Variants in NDRG1 observed in about 807,000 individuals in gnomAD.
The protein encoded by NDRG1 is N-myc downstream regulated 1, also known as protein NDRG1.
Under a neutral mutation model 56.9 loss-of-function variants are expected in NDRG1, and 32 were observed. The ratio of observed to expected loss-of-function variants is 0.56; its 90% confidence interval spans 0.42 to 0.76. The LOEUF (loss-of-function observed/expected upper bound fraction) is 0.76. Ranked by LOEUF, NDRG1 falls within the 30% of genes least tolerant of loss-of-function variation. NDRG1 has a pLI of 0.00. For missense variants in NDRG1, 507 were observed against 545.7 expected (o/e 0.93, Z 0.71); for synonymous variants, 211 against 204.1 (o/e 1.03, Z -0.29).
At position 133,280,233 on chromosome 8, in the gene NDRG1, T is replaced by C. The variant is rs61755063; in HGVS notation, c.98A>G (p.Gln33Arg). Residue 33 changes from glutamine (Q) to arginine (R), a missense_variant and splice_region_variant, in exon 3 of 16, where the codon CAG (glutamine) becomes CGG (arginine). Transcript: ENST00000323851. ...AGGAAAGCCACATCCTCTACTTGCC[T>C]GGACATCAAACTCTTGCAGGAGGCC... ...ITGLLQEFDVQEQDIETLHGS... is the reference protein window; with the variant it reads ...ITGLLQEFDVREQDIETLHGS... The C allele has an allele frequency of 3.1e-6, 5 of 1,613,972 alleles. No homozygotes were observed. Among genetic ancestry groups the C allele is most frequent in the African/African-American group, 1.3e-5 (1 of 74,912 alleles).
chr8:133,284,643 C>G, intron 1 of NDRG1: 1 of 471,634 alleles, frequency 2.1e-6, no homozygotes, highest in Non-Finnish European at 4.1e-6. Context: ...GCCCACCCAC[C>G]ATACCCAGGA....
At chr8:133,241,528 C>T (rs1024541381) in intron 15 of NDRG1, 1 of 201,324 alleles carries the variant, frequency 5.0e-6, no homozygotes, top group Non-Finnish European at 1.0e-5. Flanking sequence ...CCGCCCTCTG[C>T]TCCCTGCTTA....
chr8:133,293,267 A>T (rs1441145184), intron 1 of NDRG1, among the ~76,000 whole-genome samples: 1 of 152,216 alleles, frequency 6.6e-6, no homozygotes, highest in Admixed American at 6.5e-5. Flanking sequence ...AAAGATAAAA[A>T]GCAAGTGGAC....
chr8:133,295,417 C>A (rs140571551), intron 1 of NDRG1, among the ~76,000 whole-genome samples: 1 of 152,210 alleles, frequency 6.6e-6, no homozygotes, highest in South Asian at 2.1e-4. Flanking sequence ...CACACCAAAA[C>A]CCTCTCTCTC....
At chr8:133,243,942 GCACA>G (rs962460613) in intron 14 of NDRG1, among the ~76,000 whole-genome samples, 11 of 151,990 alleles carry the variant, frequency 7.2e-5, no homozygotes, top group South Asian at 2.1e-4. Context: ...GTGTACACAT[GCACA>G]CACACAGACG....
chr8:133,239,383 CTGTTAAAAGCTG>C (rs1855256473), intron 15 of NDRG1: 2 of 602,854 alleles, frequency 3.3e-6, no homozygotes, highest in Non-Finnish European at 2.9e-6. Context: ...ATTCTGCCAC[CTGTTAAAAGCTG>C]TGTAATTTTG....
chr8:133,268,474 C>A (rs1857024522), intron 3 of NDRG1, among the ~76,000 whole-genome samples: 1 of 152,154 alleles, frequency 6.6e-6, no homozygotes, highest in African/African-American at 2.4e-5. Context: ...GTGGGAAGGA[C>A]AAAGACCCCG....
chr8:133,287,768 A>C (rs892258538), intron 1 of NDRG1, among the ~76,000 whole-genome samples: 2 of 152,230 alleles, frequency 1.3e-5, no homozygotes, highest in Non-Finnish European at 2.9e-5. Flanking sequence ...ACATGCCCAC[A>C]GCATACACCC....
chr8:133,288,216 G>A (rs545802466), intron 1 of NDRG1: 2 of 152,466 alleles, frequency 1.3e-5, no homozygotes, highest in East Asian at 3.9e-4. Context: ...CATTCACGGA[G>A]GAGGGGGCTG....
intron 1 of NDRG1, among the ~76,000 whole-genome samples, chr8:133,294,654 A>C (rs1858631495): frequency 1.4e-5 from 2 of 143,668 alleles, no homozygotes; most frequent in South Asian, 2.1e-4. Context: ...AGCTCAGTTG[A>C]GATCTGTCTT....
intron 5 of NDRG1, among the ~76,000 whole-genome samples, chr8:133,261,721 G>A (rs1856667242): frequency 6.6e-6 from 1 of 152,178 alleles, no homozygotes; most frequent in African/African-American, 2.4e-5. Flanking sequence ...CGCCAGCCTT[G>A]CAGGAAGGCT....
chr8:133,284,989 C>G (rs1328825905), intron 1 of NDRG1: 1 of 384,860 alleles, frequency 2.6e-6, no homozygotes, highest in African/African-American at 2.1e-5. Flanking sequence ...AAAAGACCTC[C>G]AAGGCAGAAA....
At chr8:133,242,916 T>C (rs1187790075) in intron 14 of NDRG1, among the ~76,000 whole-genome samples, 1 of 152,230 alleles carries the variant, frequency 6.6e-6, no homozygotes, top group Non-Finnish European at 1.5e-5. Context: ...AATTAACAAC[T>C]AACTGGGCTA....
At chr8:133,253,256 T>G (rs1305855284) in intron 9 of NDRG1, among the ~76,000 whole-genome samples, 1 of 152,156 alleles carries the variant, frequency 6.6e-6, no homozygotes, top group Non-Finnish European at 1.5e-5. Context: ...CTCAATCCCC[T>G]TTAGTGGGGT....
chr8:133,248,541 G>A (rs866795685), intron 11 of NDRG1, among the ~76,000 whole-genome samples, 174 bp downstream of exon 11: 4 of 152,184 alleles, frequency 2.6e-5, no homozygotes, highest in Admixed American at 6.5e-5. Flanking sequence ...GGATGCCACC[G>A]GCACAGGGAG....
Position 133,259,291 on chromosome 8 carries a change from G to A in NDRG1, c.327-61C>T. Reference sequence around the variant, plus strand: ...CGGACAGAAACGGGTAATCCAAACAGGGACACGCTTGAAGGGTGGGGACCA... The same window carrying A: ...CGGACAGAAACGGGTAATCCAAACAAGGACACGCTTGAAGGGTGGGGACCA... On this transcript the variant is annotated intron_variant, in intron 5 of 15. Coordinates refer to ENST00000323851, the MANE Select transcript of NDRG1 (RefSeq NM_006096.4). The A allele has an allele frequency of 2.6e-6, 4 of 1,536,534 alleles. No homozygotes were observed. In the South Asian group the frequency reaches 3.4e-5, roughly 13 times the overall value.
chr8:133,244,208 T>TC, intron 14 of NDRG1, 147 bp downstream of exon 14: 1 of 1,001,960 alleles, frequency 1.0e-6, no homozygotes, highest in East Asian at 2.6e-5. Flanking sequence ...ATCAGAGTCC[T>TC]CCTATATAGC....
At chr8:133,248,824 TC>T (rs1172290588) in intron 10 of NDRG1, 53 bp from the exon 11 acceptor site, 1 of 1,602,498 alleles carries the variant, frequency 6.2e-7, no homozygotes, top group Admixed American at 1.7e-5. Context: ...TGGAGAAATC[TC>T]CCACTCCCAT....
chr8:133,242,042 G>C lies in NDRG1; in HGVS notation c.924C>G (p.Phe308Leu). ...PAKLAEAFKY[F>L]VQGMGYMPSA... ...ACTCACTGTATCCCATGCCCTGCAC[G>C]AAGTACTTGAAGGCCTCAGCGAGCT... The change falls in exon 15 of 16, where the codon TTC (phenylalanine) becomes TTG (leucine). Residue 308 changes from phenylalanine to leucine, a missense_variant. Phe to Leu is a conservative substitution (Grantham distance 22). Transcript: ENST00000323851. 1 of 1,614,178 alleles carries C rather than the reference G, an allele frequency of 6.2e-7. No homozygotes were observed. The highest frequency in any genetic ancestry group is 8.5e-7 in the Non-Finnish European group (1 of 1,180,034).
Sources: gnomAD v4.1 joint callset for allele counts (sites outside exome capture counted in the v4.1 genomes callset) on GRCh38, gnomAD v4.1.1 for gene constraint, MANE v1.5 for transcripts, NCBI Gene and HGNC (gene_info 2026-07-23, HGNC 2026-07-21) for gene names.